CLSPN: variants seen among roughly 807,000 people sequenced by gnomAD.
The protein encoded by CLSPN is claspin homolog.
A neutral mutation model predicts 156.3 loss-of-function variants in CLSPN; 85 were observed. The observed-to-expected ratio is 0.54, with a 90% confidence interval of 0.46 to 0.65. The LOEUF (loss-of-function observed/expected upper bound fraction) is 0.65, where lower values mean the gene tolerates loss of function less well. Ranked by LOEUF, CLSPN falls within the 30% of genes least tolerant of loss-of-function variation. The probability of loss-of-function intolerance (pLI) is 0.00; values close to 1 mark genes in which losing one functional copy is unlikely to be tolerated. For missense variants in CLSPN, 1,407 were observed against 1,554.9 expected (o/e 0.90, Z 1.60); for synonymous variants, 534 against 542.4 (o/e 0.98, Z 0.22).
intron 5 of CLSPN, 125 bp downstream of exon 5, chr1:35,762,279 T>C (rs968151790): frequency 5.6e-6 from 5 of 888,756 alleles, no homozygotes; most frequent in African/African-American, 5.1e-5. Context: ...GTTCCTACTA[T>C]GTACAAAGCA....
chr1:35,726,275 C>T (rs954730307), intron 24 of CLSPN, among the ~76,000 whole-genome samples: 1 of 149,982 alleles, frequency 6.7e-6, no homozygotes, highest in Non-Finnish European at 1.5e-5. Context: ...TAAATGTTTG[C>T]TGGATGAGTT....
At chr1:35,728,457 G>A (rs553105468), downstream of CLSPN, among the ~76,000 whole-genome samples, 50 of 152,292 alleles carry the variant, frequency 3.3e-4, no homozygotes, top group African/African-American at 1.1e-3. Flanking sequence ...AACTGGGCTA[G>A]CTCCTTCCCT....
rs143494039 is a variant in CLSPN at position 35,734,047 on chromosome 1, T to C, written c.*2449A>G. 0.012 allele frequency: 11,910 copies of C among 985,360 alleles called. 72 individuals are homozygous for C. Among genetic ancestry groups the C allele is most frequent in the Non-Finnish European group, 0.014 (11,281 of 829,866 alleles). 61.0% of individuals were successfully genotyped at this position (985,360 alleles called of 1,614,324 possible). A position where few individuals can be genotyped will look rare whatever the true frequency, so the allele number is the denominator to read the frequency against. On this transcript the variant is annotated 3_prime_UTR_variant, in exon 25 of 25. Transcript: ENST00000318121. ...ATTTATGTAAACTCAATTATCCTCT[T>C]CACCTGAGCTGAACCCAAACCACTT...
At chr1:35,769,368 C>T (rs1642781870) in intron 1 of CLSPN, among the ~76,000 whole-genome samples, 1 of 152,080 alleles carries the variant, frequency 6.6e-6, no homozygotes, top group African/African-American at 2.4e-5. Flanking sequence ...CGCAAAGGGC[C>T]TGCGCGCGAT....
intron 24 of CLSPN, among the ~76,000 whole-genome samples, chr1:35,722,117 C>T (rs537051800): frequency 2.7e-5 from 4 of 149,458 alleles, no homozygotes; most frequent in African/African-American, 7.4e-5. Context: ...CCAGCCTGGG[C>T]GATAGAGTAA....
rs1276119293 is a variant in CLSPN, at chr1:35,760,627, A to T, written c.1294T>A (p.Ser432Thr). 1.2e-6 allele frequency: 2 copies of T among 1,614,178 alleles called. No homozygotes were observed. The highest frequency in any genetic ancestry group is 1.7e-6 in the Non-Finnish European group (2 of 1,180,044). The change falls in exon 8 of 25, where the codon TCC (serine) becomes ACC (threonine). Residue 432 changes from serine (S) to threonine (T), a missense_variant. This residue lies in a region of CLSPN where 1,096 missense variants were observed against 1,193.0 expected (regional missense o/e 0.92). Transcript: ENST00000318121. The part of the protein sequence containing the change: ...PGDSSVLQQE[S>T]NFLGNNHSEE... ...CTGTGATTGTTCCCGAGGAAGTTGG[A>T]TTCCTGTTGCAACACTGAGCTGTCC... is the stretch of plus-strand genomic sequence containing the variant.
chr1:35,736,574 A>T lies in CLSPN; in HGVS notation c.3942T>A (p.Ser1314=). 6.2e-7 allele frequency: 1 copy of T among 1,612,598 alleles called. No individual in the cohort carries two copies. The highest frequency in any genetic ancestry group is 8.5e-7 in the Non-Finnish European group (1 of 1,179,488). ...CTGTTTTGAGGTGCTTAGGTGAAGG[A>T]GAAGTCATGAAAGATGGACCCCTTT... ...VKKRGPSFMT[S]PSPKHLKTDD... Residue 1314 remains serine, a synonymous_variant, in exon 25 of 25, where the codon TCT becomes TCA. Transcript: ENST00000318121.
In CLSPN at chr1:35,752,503, A is replaced by T. The variant is rs919274714; in HGVS notation, c.1772-997T>A. On this transcript the variant is annotated intron_variant, in intron 9 of 24. Transcript: ENST00000318121. ...TGAGGCAGGAGAATCACTTGAACCC[A>T]GGAGGTAGAGGTTGCAGTGAGCTAA... 2.0e-5 allele frequency among the ~76,000 whole-genome samples: 3 copies of T among 147,762 alleles called. No homozygotes were observed. In the South Asian group the frequency reaches 6.7e-4, roughly 33 times the overall value.
At chr1:35,729,384 C>T (rs139799985), downstream of CLSPN, among the ~76,000 whole-genome samples, 616 of 152,334 alleles carry the variant, frequency 4.0e-3, 2 homozygotes, top group African/African-American at 0.012. Context: ...TCCTTCCAAT[C>T]ACCCTTAGGC....
intron 3 of CLSPN, among the ~76,000 whole-genome samples, chr1:35,763,857 A>C (rs1007227806): frequency 6.6e-6 from 1 of 151,078 alleles, no homozygotes; most frequent in African/African-American, 2.4e-5. Context: ...GCAGTGGTAC[A>C]ATTACAGCTT....
intron 24 of CLSPN, among the ~76,000 whole-genome samples, chr1:35,725,260 A>G (rs1409278265): frequency 6.6e-6 from 1 of 152,030 alleles, no homozygotes; most frequent in Non-Finnish European, 1.5e-5. Context: ...CCAAGGGAAA[A>G]GGGAGAAACA....
At position 35,746,815 on chromosome 1, in the gene CLSPN, C is replaced by T; in HGVS notation, c.2805G>A (p.Glu935=). 1 of 1,614,074 alleles carries T rather than the reference C, an allele frequency of 6.2e-7. No homozygotes were observed. The part of the protein sequence containing the change: ...KHLPRKSDKK[E]NMEELLNLCS... ...AAAGGTTCAGAAGTTCCTCCATGTT[C>T]TCTTTCTTGTCACTCTTCCTGGGTA... Residue 935 remains glutamate, a synonymous_variant, in exon 15 of 25, where the codon GAG becomes GAA. Transcript: ENST00000318121. The surrounding 1 kb of genome is among the most constrained non-coding windows in gnomAD (Gnocchi z 4.2).
chr1:35,723,810 G>C lies in CLSPN; in HGVS notation c.3910-2830C>G, dbSNP rs184460443. Among the ~76,000 whole-genome samples, 6 of 152,316 alleles carry C rather than the reference G, an allele frequency of 3.9e-5. No homozygotes were observed. The East Asian group carries it at 1.2e-3, about 29-fold the overall frequency. On this transcript the variant is annotated intron_variant, in intron 24 of 24. Coordinates refer to the CLSPN transcript ENST00000251195. ...GTTTGAGACCAGCCTGATCAACATG[G>C]TGAAACCCCGTCTCTACTAAAAATA...
intron 3 of CLSPN, 30 bp downstream of exon 3, chr1:35,764,236 A>T: frequency 7.1e-7 from 1 of 1,411,882 alleles, no homozygotes; most frequent in South Asian, 1.4e-5. Context: ...AACCTACCCA[A>T]GCAATAGCAA....
rs1296729205 is a variant in CLSPN at position 35,746,999 on chromosome 1, A to G, written c.2628-7T>C. ...GTTTCTAACATTTAAGAACCTAAGA[A>G]CCAATGAGCACAACGAATAGTGTAA... is the stretch of plus-strand genomic sequence containing the variant. On this transcript the variant is annotated splice_polypyrimidine_tract_variant and splice_region_variant and intron_variant, in intron 14 of 24. Coordinates refer to ENST00000318121, the MANE Select transcript of CLSPN (RefSeq NM_022111.4). This position sits in a 1 kb window ranked among gnomAD's most constrained non-coding sequence, Gnocchi z 4.2. 2 of 1,606,192 alleles carry G rather than the reference A, an allele frequency of 1.2e-6. No homozygotes were observed. The highest frequency in any genetic ancestry group is 1.7e-4 in the Middle Eastern group (1 of 6,054).
In CLSPN at chr1:35,732,854, T is replaced by C; in HGVS notation, c.*3642A>G. Reference sequence around the variant, plus strand: ...CTGTTACCAAGATCAAGGCTTAGCTTACTTTATAGCAGCCATCCTGGCATA... The same window carrying C: ...CTGTTACCAAGATCAAGGCTTAGCTCACTTTATAGCAGCCATCCTGGCATA... On this transcript the variant is annotated 3_prime_UTR_variant, in exon 25 of 25. Coordinates refer to ENST00000318121, the MANE Select transcript of CLSPN (RefSeq NM_022111.4). 1 of 985,462 alleles carries C rather than the reference T, an allele frequency of 1.0e-6. No homozygotes were observed. Among genetic ancestry groups the C allele is most frequent in the Admixed American group, 6.1e-5 (1 of 16,288 alleles). 61.0% of individuals were successfully genotyped at this position (985,462 alleles called of 1,614,324 possible). A position where few individuals can be genotyped will look rare whatever the true frequency, so the allele number is the denominator to read the frequency against.
At chr1:35,758,692 T>C (rs957417452) in intron 8 of CLSPN, among the ~76,000 whole-genome samples, 1 of 152,042 alleles carries the variant, frequency 6.6e-6, no homozygotes, top group African/African-American at 2.4e-5. Context: ...CTAATAATAG[T>C]AGAAGCAGCA....
At chr1:35,737,696 A>G (rs1284460050) in intron 22 of CLSPN, 1 of 465,230 alleles carries the variant, frequency 2.1e-6, no homozygotes, top group African/African-American at 1.9e-5. Context: ...TTCAAATCCT[A>G]CCTCTAACAC....
chr1:35,757,744 T>C (rs547405147), intron 8 of CLSPN, among the ~76,000 whole-genome samples: 560 of 152,358 alleles, frequency 3.7e-3, no homozygotes, highest in Non-Finnish European at 5.7e-3. Context: ...CTTATTCTCA[T>C]GCTTCTTTGC....
Sources: gnomAD v4.1 joint callset for allele counts (sites outside exome capture counted in the v4.1 genomes callset) on GRCh38, gnomAD v4.1.1 for gene constraint, gnomAD v4.1.1 regional missense constraint, Gnocchi (gnomAD v3.1) non-coding constraint, MANE v1.5 for transcripts, NCBI Gene and HGNC (gene_info 2026-07-23, HGNC 2026-07-21) for gene names.